MATN1: variants seen among roughly 807,000 people sequenced by gnomAD.
MATN1 encodes the protein matrilin 1, also known as matrilin-1.
MATN1 carries 34 observed loss-of-function variants against 41.3 expected under a neutral mutation model. The ratio of observed to expected loss-of-function variants is 0.82; its 90% CI spans 0.63 to 1.10. The LOEUF (loss-of-function observed/expected upper bound fraction) is 1.10. MATN1 is among the 50% of genes least tolerant of loss of function. MATN1 has a pLI of 0.00. For synonymous variants in MATN1, 264 were observed against 278.7 expected (o/e 0.95, Z 0.53); for missense variants, 602 against 662.4 (o/e 0.91, Z 1.00).
In MATN1 at chr1:30,715,997, C is replaced by T. The variant is rs1221814389; in HGVS notation, c.1119G>A (p.Arg373=). ...CAATGCCCACCTTCTGGGCCCCGGG[C>T]CTAGCCCCACTGGACACAGTGAAGG... ...DNSFTVSSGA[R]PGAQKVGIVF... is the part of the protein sequence containing the mutation. Residue 373 remains arginine (R), a synonymous_variant, in exon 5 of 8, where the codon AGG becomes AGA. Transcript: ENST00000373765. 6.2e-7 allele frequency: 1 copy of T among 1,614,246 alleles called. No individual in the cohort carries two copies. Among genetic ancestry groups the T allele is most frequent in the South Asian group, 1.1e-5 (1 of 91,090 alleles).
At chr1:30,720,854 C>G (rs1639686534) in intron 2 of MATN1, 1 of 153,738 alleles carries the variant, frequency 6.5e-6, no homozygotes, top group South Asian at 2.0e-4. Flanking sequence ...CATTTCTGAG[C>G]CCCTGCCCTC....
chr1:30,722,592 C>T (rs1418505098), intron 1 of MATN1, among the ~76,000 whole-genome samples: 2 of 152,228 alleles, frequency 1.3e-5, no homozygotes, highest in African/African-American at 4.8e-5. Context: ...CTCACATGTC[C>T]AGTGGAGAGA....
At position 30,722,522 on chromosome 1, in the gene MATN1, T is replaced by G. The variant is rs372410189; in HGVS notation, c.95-771A>C. On this transcript the variant is annotated intron_variant, in intron 1 of 7. Transcript: ENST00000373765. ...TGAGTTCAGGCCTGGGTTCAAATCC[T>G]GGCTCAGCCACTCTGTGGGGCCCTG... Among the ~76,000 whole-genome samples, 9 of 152,364 alleles carry G rather than the reference T, an allele frequency of 5.9e-5. No individual in the cohort carries two copies. The East Asian group carries it at 1.2e-3, about 20-fold the overall frequency.
chr1:30,718,207 C>T (rs1228082478), intron 3 of MATN1, among the ~76,000 whole-genome samples: 1 of 151,822 alleles, frequency 6.6e-6, no homozygotes, highest in Non-Finnish European at 1.5e-5. Flanking sequence ...TGATGTGGCC[C>T]CGCCCCCCGA....
Position 30,711,614 on chromosome 1 carries a change from C to T in MATN1, c.*1968G>A, listed in dbSNP as rs1639543797. The T allele has an allele frequency of 6.6e-6, 1 of 152,274 alleles. No homozygotes were observed. The highest frequency in any genetic ancestry group is 1.5e-5 in the Non-Finnish European group (1 of 68,078). 9.4% of individuals were successfully genotyped at this position (152,274 alleles called of 1,614,324 possible). On this transcript the variant is annotated 3_prime_UTR_variant, in exon 8 of 8. Coordinates refer to ENST00000373765, the MANE Select transcript of MATN1 (RefSeq NM_002379.3). ...CCACCGGGCAGGGAAGAACGAGGTC[C>T]TATTCCCAGGCAGGGCTTCCACCCC...
chr1:30,718,833 C>A lies in MATN1; in HGVS notation c.566G>T (p.Arg189Leu). 1 of 1,609,312 alleles carries A rather than the reference C, an allele frequency of 6.2e-7. No homozygotes were observed. Reference protein sequence around the residue: ...GVGSVDKATLRQIASEPQDEH... With the variant: ...GVGSVDKATLLQIASEPQDEH... ...GTCCTGCGGCTCGCTGGCGATCTGC[C>A]GCAGCGTGGCCTTGTCCACGCTGCC... Residue 189 changes from arginine (R) to leucine (L), a missense_variant, in exon 3 of 8, where the codon CGG becomes CTG. Arg to Leu is a moderately radical substitution (Grantham distance 102). Transcript: ENST00000373765.
In MATN1 at chr1:30,719,402, G is replaced by A. The variant is rs3790492; in HGVS notation, c.442-445C>T. On this transcript the variant is annotated intron_variant, in intron 2 of 7. Coordinates refer to ENST00000373765, the MANE Select transcript of MATN1 (RefSeq NM_002379.3). ...CAGTTCTGCGCTTTGGCCACCAGAT[G>A]GCAGCCGAAGCTAAGGGATGGGGCT... 2.1e-4 allele frequency: 35 copies of A among 166,796 alleles called. No individual in the cohort carries two copies. The East Asian group carries it at 5.2e-3, about 25-fold the overall frequency. The allele number at this position is 166,796 out of a possible 1,614,324, so 10.3% of individuals were successfully genotyped here. A position where few individuals can be genotyped will look rare whatever the true frequency, so the allele number is the denominator to read the frequency against.
At position 30,713,383 on chromosome 1, in the gene MATN1, A is replaced by G; in HGVS notation, c.*199T>C. On this transcript the variant is annotated 3_prime_UTR_variant, in exon 8 of 8. Transcript: ENST00000373765. ...CCCACCCTCAGGCGCACGTGCACAC[A>G]CACACACACACACACACATGCACAC... 1.8e-6 allele frequency: 1 copy of G among 561,634 alleles called. No homozygotes were observed. Among genetic ancestry groups the G allele is most frequent in the Non-Finnish European group, 3.3e-6 (1 of 305,428 alleles). The allele number at this position is 561,634 out of a possible 1,614,324, so 34.8% of individuals were successfully genotyped here.
chr1:30,714,149 G>C, intron 7 of MATN1, 98 bp downstream of exon 7: 1 of 984,940 alleles, frequency 1.0e-6, no homozygotes, highest in East Asian at 2.6e-5. Flanking sequence ...CAGGCCAAGA[G>C]AAGCCTGCCC....
chr1:30,718,465 C>T (rs1173443531), intron 3 of MATN1: 1 of 267,986 alleles, frequency 3.7e-6, no homozygotes, highest in African/African-American at 2.4e-5. Context: ...CCGTCTCCGC[C>T]CCTGCCCTGG....
rs1308446832 is a variant in MATN1, at chr1:30,712,391, T to C, written c.*1191A>G. The C allele has an allele frequency of 6.6e-6, 1 of 152,244 alleles. No homozygotes were observed. The allele number at this position is 152,244 out of a possible 1,614,324, so 9.4% of individuals were successfully genotyped here. A position where few individuals can be genotyped will look rare whatever the true frequency, so the allele number is the denominator to read the frequency against. On this transcript the variant is annotated 3_prime_UTR_variant, in exon 8 of 8. Coordinates refer to ENST00000373765, the MANE Select transcript of MATN1 (RefSeq NM_002379.3). ...TGAGGTGGGGCTGCTGCCATCTGCG[T>C]TGGGGACTTTGGGTTGGGGGTGATG...
chr1:30,713,980 C>T (rs1233532797), intron 7 of MATN1: 6 of 582,622 alleles, frequency 1.0e-5, no homozygotes. Flanking sequence ...GCTCCATGTT[C>T]TTCAGAGCAT....
At chr1:30,718,550 C>G (rs1639653313) in intron 3 of MATN1, 185 bp downstream of exon 3, 1 of 400,072 alleles carries the variant, frequency 2.5e-6, no homozygotes, top group Non-Finnish European at 4.3e-6. Flanking sequence ...CGGCCCCGCC[C>G]CGGCACTGAC....
rs1253090556 is a variant in MATN1 at position 30,715,977 on chromosome 1, C to T, written c.1139G>A (p.Gly380Asp). 2 of 1,614,096 alleles carry T rather than the reference C, an allele frequency of 1.2e-6. No individual in the cohort carries two copies. Among genetic ancestry groups the T allele is most frequent in the Admixed American group, 1.7e-5 (1 of 60,010 alleles). Reference protein sequence around the residue: ...SGARPGAQKVGIVFTDGRSQD... With the variant: ...SGARPGAQKVDIVFTDGRSQD... ...GCTCCGGCCATCAGTGAAGACAATG[C>T]CCACCTTCTGGGCCCCGGGCCTAGC... The change falls in exon 5 of 8, where the codon GGC becomes GAC. Residue 380 changes from glycine (G) to aspartate (D), a missense_variant. Physicochemically the swap from Gly to Asp is moderately conservative, Grantham distance 94. Transcript: ENST00000373765.
At chr1:30,713,678 G>C (rs1008503962) in intron 7 of MATN1, 47 bp from the exon 8 acceptor site, 5 of 1,509,340 alleles carry the variant, frequency 3.3e-6, no homozygotes, top group Non-Finnish European at 4.5e-6. Context: ...GAGCAGGGCA[G>C]GGATGGCTGT....
chr1:30,718,164 TA>T lies in MATN1; in HGVS notation c.664+570del, dbSNP rs1156490732. ...CCGTGTAACTCAGTTCCCGCCGTTT[TA>T]TAGGCTACCGCCCCAGCCAGGCCCC... On this transcript the variant is annotated intron_variant, in intron 3 of 7. Transcript: ENST00000373765. Among the ~76,000 whole-genome samples the T allele has an allele frequency of 9.9e-5, 15 of 151,188 alleles. 1 individual carries two copies. The highest frequency in any genetic ancestry group is 2.1e-4 in the Non-Finnish European group (14 of 67,778).
At chr1:30,715,129 C>T in intron 6 of MATN1, 28 bp downstream of exon 6, 3 of 1,611,260 alleles carry the variant, frequency 1.9e-6, no homozygotes, top group South Asian at 2.2e-5. Context: ...CTGCAAATCC[C>T]ATCAATGCCA....
Position 30,721,599 on chromosome 1 carries a change from C to T in MATN1, c.247G>A (p.Val83Ile). The T allele has an allele frequency of 6.2e-7, 1 of 1,613,500 alleles. No individual in the cohort carries two copies. Among genetic ancestry groups the T allele is most frequent in the South Asian group, 1.1e-5 (1 of 91,084 alleles). ...VGPNATRVGM[V>I]NYASTVKQEF... ...TGCTTCACGGTGCTGGCATAGTTGA[C>T]CATGCCCACCCGGGTGGCATTGGGC... is the stretch of plus-strand genomic sequence containing the variant. Residue 83 changes from valine (V) to isoleucine (I), a missense_variant, in exon 2 of 8, where the codon GTC (valine) becomes ATC (isoleucine). Transcript: ENST00000373765.
chr1:30,717,538 A>T (rs905499443), intron 3 of MATN1, among the ~76,000 whole-genome samples: 10 of 150,716 alleles, frequency 6.6e-5, no homozygotes, highest in Admixed American at 5.3e-4. Flanking sequence ...ACACAGAAAC[A>T]TGTGTAGGTT....
Sources: allele counts gnomAD v4.1 joint callset (sites outside exome capture counted in the v4.1 genomes callset), GRCh38; gene constraint gnomAD v4.1.1; transcripts MANE v1.5; gene names NCBI Gene and HGNC (gene_info 2026-07-23, HGNC 2026-07-21).